Variants in SHF observed in about 807,000 individuals in gnomAD.
The protein encoded by SHF is Src homology 2 domain containing F, also known as SH2 domain-containing adapter protein F.
A neutral mutation model predicts 42.4 loss-of-function variants in SHF; 30 were observed. That is an observed-to-expected ratio of 0.71 (90% CI 0.53 to 0.96). The LOEUF (loss-of-function observed/expected upper bound fraction) is 0.96. Ranked by LOEUF, SHF falls within the 40% of genes least tolerant of loss-of-function variation. The probability of loss-of-function intolerance (pLI) is 0.00; values close to 1 mark genes in which losing one functional copy is unlikely to be tolerated. For synonymous variants in SHF, 264 were observed against 269.9 expected, an observed-to-expected ratio of 0.98 and a Z score of 0.21; for missense variants, 598 against 634.0, an observed-to-expected ratio of 0.94 and a Z score of 0.61.
chr15:45,198,634 G>C (rs566464324), intron 2 of SHF: 2 of 1,091,170 alleles, frequency 1.8e-6, no homozygotes, highest in Admixed American at 2.7e-5. Context: ...AACCGAGGTT[G>C]CTGCGGCCAC....
In SHF at chr15:45,178,156, GTCAC is replaced by G; in HGVS notation, c.640+5_640+8del. The stretch of plus-strand genomic sequence containing the variant: ...CTCAGGGAGCACCTCCCCTGCCCCT[GTCAC>G]TCACCGGCCATCATCTTTTGAGCCT... On this transcript the variant is annotated splice_donor_5th_base_variant and intron_variant, in intron 2 of 6. Transcript: ENST00000690270. 6.2e-7 allele frequency: 1 copy of G among 1,611,334 alleles called. No individual in the cohort carries two copies. The highest frequency in any genetic ancestry group is 8.5e-7 in the Non-Finnish European group (1 of 1,179,486).
chr15:45,171,933 G>T lies in SHF; in HGVS notation c.1230C>A (p.Tyr410Ter). ...NLLRLCKEASYLVRNSETSKN... is the reference protein window; with the variant it reads ...NLLRLCKEAS The stretch of plus-strand genomic sequence containing the variant: ...TGCTGGTCTCACTGTTGCGCACCAG[G>T]TAGCTGGCCTCTTTGCACAGCCGGA... Residue 410 changes from tyrosine to a stop codon, truncating the protein, a stop_gained, in exon 6 of 7, where the codon TAC becomes TAA. Coordinates refer to ENST00000690270, the MANE Select transcript of SHF (RefSeq NM_001394037.1). LOFTEE classifies it high-confidence loss of function. 6.2e-7 allele frequency: 1 copy of T among 1,613,886 alleles called. No individual in the cohort carries two copies. Among genetic ancestry groups the T allele is most frequent in the Non-Finnish European group, 8.5e-7 (1 of 1,179,876 alleles).
intron 6 of SHF, chr15:45,170,578 G>T (rs2141336980): frequency 2.1e-6 from 1 of 469,528 alleles, no homozygotes; most frequent in Non-Finnish European, 3.5e-6. Context: ...CATAGCTAGT[G>T]TATCAAATCC....
In SHF at chr15:45,187,375, G is replaced by A. The variant is rs1343050640; in HGVS notation, c.498+79C>T. 14 of 1,213,562 alleles carry A rather than the reference G, an allele frequency of 1.2e-5. No individual in the cohort carries two copies. The East Asian group carries it at 4.1e-4, about 36-fold the overall frequency. The allele number at this position is 1,213,562 out of a possible 1,614,324, so 75.2% of individuals were successfully genotyped here. A position where few individuals can be genotyped will look rare whatever the true frequency, so the allele number is the denominator to read the frequency against. Reference sequence around the variant, plus strand: ...TGAGACACCGAGGGGCCCGGGCCAGGCCACCTTTGTCCCTCTCGCAGCCTC... The same window carrying A: ...TGAGACACCGAGGGGCCCGGGCCAGACCACCTTTGTCCCTCTCGCAGCCTC... On this transcript the variant is annotated intron_variant, in intron 1 of 6. Coordinates refer to ENST00000690270, the MANE Select transcript of SHF (RefSeq NM_001394037.1).
chr15:45,198,982 C>T, exon 2 of SHF: 1 of 1,613,038 alleles, frequency 6.2e-7, no homozygotes, highest in South Asian at 1.1e-5. Context: ...TGGGGGATGC[C>T]CGTTTCCTAT....
chr15:45,182,999 G>C (rs1898207604), intron 1 of SHF, among the ~76,000 whole-genome samples: 1 of 152,210 alleles, frequency 6.6e-6, no homozygotes, highest in African/African-American at 2.4e-5. Flanking sequence ...AGACCCTTGG[G>C]TGTGTCTGGT....
intron 2 of SHF, among the ~76,000 whole-genome samples, chr15:45,176,801 C>T (rs1897835619): frequency 6.6e-6 from 1 of 152,204 alleles, no homozygotes; most frequent in Admixed American, 6.5e-5. Flanking sequence ...CATATAATTT[C>T]AGGGCATTCA....
chr15:45,167,753 G>A lies in SHF; in HGVS notation c.*194C>T. On this transcript the variant is annotated 3_prime_UTR_variant, in exon 7 of 7. Coordinates refer to ENST00000690270, the MANE Select transcript of SHF (RefSeq NM_001394037.1). Reference sequence around the variant, plus strand: ...CTCTCCAGGGATTCCTCTTTCCCCAGCTCCAGACAACCCCTTACTCCAAGG... The same window carrying A: ...CTCTCCAGGGATTCCTCTTTCCCCAACTCCAGACAACCCCTTACTCCAAGG... The A allele has an allele frequency of 2.2e-6, 1 of 444,450 alleles. No individual in the cohort carries two copies. The allele number at this position is 444,450 out of a possible 1,614,324, so 27.5% of individuals were successfully genotyped here. A position where few individuals can be genotyped will look rare whatever the true frequency, so the allele number is the denominator to read the frequency against.
At chr15:45,181,809 C>T (rs953037331) in intron 1 of SHF, among the ~76,000 whole-genome samples, 88 of 152,090 alleles carry the variant, frequency 5.8e-4, no homozygotes, top group Admixed American at 2.9e-3. Context: ...CCTAAAACCA[C>T]GGCGGAGGGG....
upstream of SHF, among the ~76,000 whole-genome samples, chr15:45,192,520 A>C (rs1284333735): frequency 2.6e-5 from 4 of 151,846 alleles, no homozygotes; most frequent in Admixed American, 1.3e-4. Context: ...GGCACCCGCC[A>C]CCATGCCCGG....
chr15:45,190,611 C>G (rs543567413), upstream of SHF, among the ~76,000 whole-genome samples: 8 of 152,260 alleles, frequency 5.3e-5, no homozygotes, highest in South Asian at 1.7e-3. Context: ...TCAATCAAGT[C>G]TGCAGGCTTC....
In SHF at chr15:45,187,844, T is replaced by C; in HGVS notation, c.108A>G (p.Gly36=). 9.7e-7 allele frequency: 1 copy of C among 1,029,786 alleles called. No individual in the cohort carries two copies. Among genetic ancestry groups the C allele is most frequent in the Non-Finnish European group, 1.2e-6 (1 of 816,772 alleles). 63.8% of individuals were successfully genotyped at this position (1,029,786 alleles called of 1,614,324 possible). A position where few individuals can be genotyped will look rare whatever the true frequency, so the allele number is the denominator to read the frequency against. ...GGSRRGAGGA[G]AGPGGGGSGG... Reference sequence around the variant, plus strand: ...CGCTGCCGCCCCCTCCTGGGCCGGCTCCCGCACCCCCGGCGCCCCGGCGGG... The same window carrying C: ...CGCTGCCGCCCCCTCCTGGGCCGGCCCCCGCACCCCCGGCGCCCCGGCGGG... The change falls in exon 1 of 7, where the codon GGA becomes GGG. Residue 36 remains glycine (G), a synonymous_variant. Coordinates refer to ENST00000690270, the MANE Select transcript of SHF (RefSeq NM_001394037.1).
chr15:45,179,531 A>G (rs1473943017), intron 1 of SHF, among the ~76,000 whole-genome samples: 1 of 152,242 alleles, frequency 6.6e-6, no homozygotes, highest in African/African-American at 2.4e-5. Context: ...TTCATCGCAC[A>G]GTGAACTGCA....
intron 5 of SHF, 40 bp downstream of exon 5, chr15:45,172,107 G>A (rs773270151): frequency 1.9e-6 from 3 of 1,613,892 alleles, no homozygotes; most frequent in South Asian, 2.2e-5. Context: ...CAGGAGGGGA[G>A]GAGTGGGGAG....
chr15:45,200,880 C>T (rs1343498766), exon 1 of SHF: 2 of 456,190 alleles, frequency 4.4e-6, no homozygotes, highest in Admixed American at 4.7e-5. Context: ...ATTCGGGCGT[C>T]CTCAGGGGCT....
At position 45,199,199 on chromosome 15, in the gene SHF, C is replaced by G. The variant is rs190196718; in HGVS notation, c.-46-79G>C. ...CCCAACACCCACTTCCTTCCAGCCT[C>G]TCATACTCCCCTGACAGCCCTGACT... is the stretch of plus-strand genomic sequence containing the variant. On this transcript the variant is annotated intron_variant, in intron 1 of 7. Transcript: ENST00000290894. 326 of 1,107,398 alleles carry G rather than the reference C, an allele frequency of 2.9e-4. 1 individual carries two copies. In the East Asian group the frequency reaches 8.1e-3, roughly 27 times the overall value. 68.6% of individuals were successfully genotyped at this position (1,107,398 alleles called of 1,614,324 possible). A position where few individuals can be genotyped will look rare whatever the true frequency, so the allele number is the denominator to read the frequency against.
At position 45,187,863 on chromosome 15, in the gene SHF, C is replaced by A; in HGVS notation, c.89G>T (p.Arg30Leu). ...SAGGGPGGSR[R>L]GAGGAGAGPG... ...GCCGGCTCCCGCACCCCCGGCGCCC[C>A]GGCGGGACCCCCCCGGGCCGCCCCC... The change falls in exon 1 of 7, where the codon CGG (arginine) becomes CTG (leucine). Residue 30 changes from arginine (R) to leucine (L), a missense_variant. Transcript: ENST00000690270. 8.8e-7 allele frequency: 1 copy of A among 1,134,630 alleles called. No homozygotes were observed. Among genetic ancestry groups the A allele is most frequent in the African/African-American group, 1.6e-5 (1 of 61,434 alleles). The allele number at this position is 1,134,630 out of a possible 1,614,324, so 70.3% of individuals were successfully genotyped here.
intron 2 of SHF, among the ~76,000 whole-genome samples, chr15:45,193,518 GCAATAGGGCAGAGGAAA>G (rs774237779): frequency 1.4e-4 from 21 of 152,266 alleles, no homozygotes; most frequent in Admixed American, 8.5e-4. Flanking sequence ...GTTTAGTGAA[GCAATAGGGCAGAGGAAA>G]CAATAGGGCA....
At chr15:45,198,716 C>G (rs1420065442) in intron 2 of SHF, 1 of 1,553,584 alleles carries the variant, frequency 6.4e-7, no homozygotes, top group Non-Finnish European at 8.7e-7. Flanking sequence ...TTCTGATTAT[C>G]CTCTTCAACA....
Sources: gnomAD v4.1 joint callset for allele counts (sites outside exome capture counted in the v4.1 genomes callset) on GRCh38, gnomAD v4.1.1 for gene constraint, MANE v1.5 for transcripts, NCBI Gene and HGNC (gene_info 2026-07-23, HGNC 2026-07-21) for gene names.